Variants in NEK1 observed in about 807,000 individuals in gnomAD.
NEK1 encodes serine/threonine-protein kinase Nek1.
In NEK1, 137 loss-of-function variants were observed where a neutral mutation model predicts 182.1. The ratio of observed to expected loss-of-function variants is 0.75; its 90% CI spans 0.65 to 0.87. The LOEUF is 0.87. Ranked by LOEUF, NEK1 falls within the 40% of genes least tolerant of loss-of-function variation. The probability of loss-of-function intolerance (pLI) is 0.00; values close to 1 mark genes in which losing one functional copy is unlikely to be tolerated. For synonymous variants in NEK1, 513 were observed against 492.2 expected, an observed-to-expected ratio of 1.04 and a Z score of -0.56; for missense variants, 1,391 against 1,494.4, an observed-to-expected ratio of 0.93 and a Z score of 1.14.
In NEK1 at chr4:169,508,656, C is replaced by T. The variant is rs79898709; in HGVS notation, c.1749+113G>A. ...TCAAAAATATATTAACAGGTCCCTACAGACCTACAAAATCTTCAAATAATT... is the reference window on the plus strand; with the variant it reads ...TCAAAAATATATTAACAGGTCCCTATAGACCTACAAAATCTTCAAATAATT... On this transcript the variant is annotated intron_variant, in intron 20 of 35. Coordinates refer to ENST00000507142, the MANE Select transcript of NEK1 (RefSeq NM_001199397.3). 3.8e-6 allele frequency: 3 copies of T among 795,434 alleles called. No homozygotes were observed. In the African/African-American group the frequency reaches 5.3e-5, roughly 14 times the overall value. 49.3% of individuals were successfully genotyped at this position (795,434 alleles called of 1,614,324 possible).
At chr4:169,534,247 C>A (rs1345564150) in intron 19 of NEK1, among the ~76,000 whole-genome samples, 1 of 152,148 alleles carries the variant, frequency 6.6e-6, no homozygotes, top group Non-Finnish European at 1.5e-5. Context: ...AAACACTGGA[C>A]AACAGACAGC....
At chr4:169,549,140 C>A (rs985839513) in intron 18 of NEK1, among the ~76,000 whole-genome samples, 2 of 152,170 alleles carry the variant, frequency 1.3e-5, no homozygotes, top group Non-Finnish European at 2.9e-5. Flanking sequence ...GTTGTGAAGA[C>A]CGTCGGAAAA....
intron 18 of NEK1, chr4:169,554,438 A>G (rs1761873957): frequency 6.6e-6 from 1 of 151,826 alleles, no homozygotes; most frequent in African/African-American, 2.4e-5. Context: ...ATTACCAAAA[A>G]AAAAAAAAAA....
At position 169,590,761 on chromosome 4, in the gene NEK1, C is replaced by T. The variant is rs1268256476; in HGVS notation, c.361G>A (p.Asp121Asn). 1 of 1,599,100 alleles carries T rather than the reference C, an allele frequency of 6.3e-7. No homozygotes were observed. Among genetic ancestry groups the T allele is most frequent in the South Asian group, 1.1e-5 (1 of 88,198 alleles). The part of the protein sequence containing the change: ...QICLALKHVH[D>N]RKILHRDIKS... Reference sequence around the variant, plus strand: ...ATGTCTCGATGAAGAATTTTTCTATCATGTACATGTTTCAGGGCCAAACAT... The same window carrying T: ...ATGTCTCGATGAAGAATTTTTCTATTATGTACATGTTTCAGGGCCAAACAT... The change falls in exon 6 of 36, where the codon GAT becomes AAT. Residue 121 changes from aspartate (D) to asparagine (N), a missense_variant. Transcript: ENST00000507142.
intron 23 of NEK1, among the ~76,000 whole-genome samples, chr4:169,498,861 G>A (rs1751876280): frequency 6.6e-6 from 1 of 152,114 alleles, no homozygotes; most frequent in South Asian, 2.1e-4. Flanking sequence ...TTCAACTTTG[G>A]TGAATCTGAC....
intron 5 of NEK1, among the ~76,000 whole-genome samples, chr4:169,596,921 T>C (rs1346986171): frequency 6.6e-6 from 1 of 152,106 alleles, no homozygotes; most frequent in Admixed American, 6.6e-5. Flanking sequence ...ATAAATAACT[T>C]CACTGATGGA....
intron 5 of NEK1, among the ~76,000 whole-genome samples, chr4:169,594,719 A>C (rs1769139380): frequency 6.6e-6 from 1 of 152,236 alleles, no homozygotes; most frequent in South Asian, 2.1e-4. Flanking sequence ...CTATTAGCTC[A>C]ACACTGCTAT....
chr4:169,506,885 A>T (rs1753355051), intron 23 of NEK1, among the ~76,000 whole-genome samples, 152 bp downstream of exon 23: 1 of 152,062 alleles, frequency 6.6e-6, no homozygotes, highest in Non-Finnish European at 1.5e-5. Context: ...AGACTGAGAA[A>T]GAGAGAGGTA....
intron 27 of NEK1, among the ~76,000 whole-genome samples, chr4:169,444,568 A>T (rs1740134814): frequency 6.6e-6 from 1 of 152,168 alleles, no homozygotes; most frequent in African/African-American, 2.4e-5. Flanking sequence ...CAGATCTAAC[A>T]ATTATAAATA....
chr4:169,497,159 C>T lies in NEK1; in HGVS notation c.2007+9878G>A, dbSNP rs576055245. ...AGGGTGTATGTGTCGAGGAATTTAT[C>T]CATTTCTTCTAGATTTTCTAGTTTA... is the stretch of plus-strand genomic sequence containing the variant. On this transcript the variant is annotated intron_variant, in intron 23 of 35. Coordinates refer to ENST00000507142, the MANE Select transcript of NEK1 (RefSeq NM_001199397.3). Among the ~76,000 whole-genome samples, 8 of 152,230 alleles carry T rather than the reference C, an allele frequency of 5.3e-5. No individual in the cohort carries two copies. In the South Asian group the frequency reaches 1.7e-3, roughly 32 times the overall value.
At chr4:169,467,696 T>A (rs1242046719) in intron 26 of NEK1, among the ~76,000 whole-genome samples, 3 of 152,116 alleles carry the variant, frequency 2.0e-5, no homozygotes, top group African/African-American at 7.2e-5. Flanking sequence ...AGCATCTGGA[T>A]TTAAATCCAA....
chr4:169,529,984 T>C (rs1757431573), intron 19 of NEK1, among the ~76,000 whole-genome samples: 1 of 151,634 alleles, frequency 6.6e-6, no homozygotes, highest in Non-Finnish European at 1.5e-5. Flanking sequence ...GAAAAAAGAG[T>C]TTTTAAAAAA....
At position 169,476,076 on chromosome 4, in the gene NEK1, C is replaced by T. The variant is rs543929623; in HGVS notation, c.2434+1048G>A. Reference sequence around the variant, plus strand: ...TGTGACAACCATAAACCCAAAGACACAAGAAGCTCAATGAATCCCAAGGAC... The same window carrying T: ...TGTGACAACCATAAACCCAAAGACATAAGAAGCTCAATGAATCCCAAGGAC... On this transcript the variant is annotated intron_variant, in intron 26 of 35. Coordinates refer to ENST00000507142, the MANE Select transcript of NEK1 (RefSeq NM_001199397.3). Among the ~76,000 whole-genome samples the T allele has an allele frequency of 6.8e-4, 103 of 152,038 alleles. 1 individual carries two copies. Among genetic ancestry groups the T allele is most frequent in the Non-Finnish European group, 1.3e-3 (86 of 67,982 alleles).
chr4:169,457,826 C>T (rs1393782712), intron 27 of NEK1, among the ~76,000 whole-genome samples: 2 of 151,280 alleles, frequency 1.3e-5, no homozygotes, highest in African/African-American at 2.4e-5. Context: ...AAAAAAGACT[C>T]CTAAAACTGA....
intron 11 of NEK1, among the ~76,000 whole-genome samples, chr4:169,578,110 C>T (rs541037230): frequency 6.6e-6 from 1 of 152,118 alleles, no homozygotes; most frequent in South Asian, 2.1e-4. Context: ...ATAAACCCTG[C>T]AGTATTATGT....
At chr4:169,545,677 A>T (rs1314800668) in intron 18 of NEK1, among the ~76,000 whole-genome samples, 2 of 150,118 alleles carry the variant, frequency 1.3e-5, no homozygotes, top group Middle Eastern at 3.2e-3. Flanking sequence ...ACAGTGTAAA[A>T]GTGTTCCTAT....
chr4:169,595,053 A>C (rs1156676645), intron 5 of NEK1, among the ~76,000 whole-genome samples: 1 of 152,146 alleles, frequency 6.6e-6, no homozygotes, highest in African/African-American at 2.4e-5. Context: ...AAAGGACTAC[A>C]CTAGGAATGC....
At chr4:169,508,447 A>T in intron 20 of NEK1, 116 bp from the exon 21 acceptor site, 1 of 773,492 alleles carries the variant, frequency 1.3e-6, no homozygotes, top group Non-Finnish European at 1.9e-6. Context: ...AAGAAATAAA[A>T]GTTCTGAAAT....
chr4:169,537,601 C>T lies in NEK1; in HGVS notation c.1665+208G>A, dbSNP rs757122441. On this transcript the variant is annotated intron_variant, in intron 19 of 35. Transcript: ENST00000507142. Reference sequence around the variant, plus strand: ...AACCAAAGCAACAATAGAATTCCACCCCTGGTATAAAAGATAGCAAAAGAG... The same window carrying T: ...AACCAAAGCAACAATAGAATTCCACTCCTGGTATAAAAGATAGCAAAAGAG... Among the ~76,000 whole-genome samples, 96 of 152,148 alleles carry T rather than the reference C, an allele frequency of 6.3e-4. 1 individual carries two copies. Among genetic ancestry groups the T allele is most frequent in the Non-Finnish European group, 1.8e-4 (12 of 67,996 alleles).
Sources: allele counts gnomAD v4.1 joint callset (sites outside exome capture counted in the v4.1 genomes callset), GRCh38; gene constraint gnomAD v4.1.1; transcripts MANE v1.5; gene names NCBI Gene and HGNC (gene_info 2026-07-23, HGNC 2026-07-21).